Variants in SLCO5A1 observed in about 807,000 individuals in gnomAD.
The protein encoded by SLCO5A1 is solute carrier organic anion transporter family member 5A1, also known as organic anion transporter polypeptide-related protein 4.
A neutral mutation model predicts 65.1 loss-of-function variants in SLCO5A1; 39 were observed. That is an observed-to-expected ratio of 0.60 (90% CI 0.46 to 0.78). The LOEUF is 0.78. Among genes scored for constraint, SLCO5A1 ranks in the 30% least tolerant of loss-of-function variants. The pLI, the probability that SLCO5A1 is intolerant of heterozygous loss-of-function variation, is 0.00. For synonymous variants in SLCO5A1, 438 were observed against 415.7 expected, an observed-to-expected ratio of 1.05 and a Z score of -0.65; for missense variants, 1,029 against 1,069.4, an observed-to-expected ratio of 0.96 and a Z score of 0.53.
chr8:69,757,242 C>A (rs192055927), intron 3 of SLCO5A1, among the ~76,000 whole-genome samples: 1 of 151,998 alleles, frequency 6.6e-6, no homozygotes. Context: ...GAAGTTTGTT[C>A]GGGGCAGACT....
chr8:69,756,443 G>T (rs767112546), intron 3 of SLCO5A1, among the ~76,000 whole-genome samples: 2 of 152,092 alleles, frequency 1.3e-5, no homozygotes, highest in Non-Finnish European at 2.9e-5. Flanking sequence ...CTCCCACTTA[G>T]CTGGCCTTCA....
chr8:69,769,324 C>G (rs1818213579), intron 2 of SLCO5A1, among the ~76,000 whole-genome samples: 1 of 88,736 alleles, frequency 1.1e-5, no homozygotes, highest in Non-Finnish European at 2.1e-5. Flanking sequence ...GTTAGACAGA[C>G]TTCAGACTTT....
chr8:69,736,457 T>C (rs1330243626), intron 5 of SLCO5A1, among the ~76,000 whole-genome samples: 1 of 152,168 alleles, frequency 6.6e-6, no homozygotes, highest in Non-Finnish European at 1.5e-5. Context: ...GGGGTGAAAA[T>C]GGTGCATCTG....
chr8:69,761,034 A>AT (rs369056386), intron 3 of SLCO5A1, among the ~76,000 whole-genome samples: 1 of 152,168 alleles, frequency 6.6e-6, no homozygotes, highest in Non-Finnish European at 1.5e-5. Flanking sequence ...AAAACAATGT[A>AT]TTTTTTTAAG....
chr8:69,703,455 A>G (rs905988035), intron 6 of SLCO5A1, among the ~76,000 whole-genome samples: 1 of 152,238 alleles, frequency 6.6e-6, no homozygotes, highest in African/African-American at 2.4e-5. Flanking sequence ...CTGAGACAGG[A>G]GACTCACTTG....
chr8:69,774,875 C>T (rs1319501015), intron 2 of SLCO5A1, among the ~76,000 whole-genome samples: 2 of 152,238 alleles, frequency 1.3e-5, no homozygotes, highest in Non-Finnish European at 2.9e-5. Context: ...AACTCTCTTT[C>T]AACTTACATA....
intron 5 of SLCO5A1, among the ~76,000 whole-genome samples, chr8:69,731,360 C>T (rs1280989168): frequency 6.6e-6 from 1 of 152,206 alleles, no homozygotes; most frequent in Non-Finnish European, 1.5e-5. Flanking sequence ...TTTGCACCAA[C>T]CTAATCATCT....
chr8:69,715,899 C>T (rs1021579852), intron 5 of SLCO5A1, among the ~76,000 whole-genome samples: 3 of 152,050 alleles, frequency 2.0e-5, no homozygotes, highest in African/African-American at 7.2e-5. Context: ...TTCACAGAAA[C>T]ATGCAATCAT....
chr8:69,829,668 C>A (rs1486839784), intron 2 of SLCO5A1, among the ~76,000 whole-genome samples: 1 of 148,114 alleles, frequency 6.8e-6, no homozygotes, highest in East Asian at 1.9e-4. Context: ...AAAGAAAGAC[C>A]CTGTCTCAAT....
At chr8:69,775,599 CA>C (rs1157138447) in intron 2 of SLCO5A1, among the ~76,000 whole-genome samples, 1 of 151,998 alleles carries the variant, frequency 6.6e-6, no homozygotes, top group Non-Finnish European at 1.5e-5. Context: ...TATTTTGGAA[CA>C]AAAAATTTTT....
intron 6 of SLCO5A1, 32 bp from the exon 7 acceptor site, chr8:69,682,375 C>A (rs1410818607): frequency 6.7e-7 from 1 of 1,490,592 alleles, no homozygotes. Context: ...TCATGAGCAA[C>A]ACTTACCAAA....
chr8:69,686,537 A>G (rs189657043), intron 6 of SLCO5A1, among the ~76,000 whole-genome samples: 2 of 152,254 alleles, frequency 1.3e-5, no homozygotes, highest in Non-Finnish European at 2.9e-5. Context: ...TCTCAGCATA[A>G]GTTGTCTCAT....
intron 2 of SLCO5A1, among the ~76,000 whole-genome samples, chr8:69,799,111 C>G (rs186763650): frequency 2.0e-5 from 3 of 152,102 alleles, no homozygotes; most frequent in African/African-American, 7.2e-5. Context: ...AAATCTGGTG[C>G]CAAGCAATGA....
chr8:69,796,598 C>G lies in SLCO5A1; in HGVS notation c.908-34723G>C, dbSNP rs906937596. Among the ~76,000 whole-genome samples, 5 of 151,654 alleles carry G rather than the reference C, an allele frequency of 3.3e-5. No homozygotes were observed. The East Asian group carries it at 5.8e-4, about 18-fold the overall frequency. ...TGCCACTGCACTCCAACCTGGGGAACAAAGCAAGATTCTGTCTCAAACATT... is the reference window on the plus strand; with the variant it reads ...TGCCACTGCACTCCAACCTGGGGAAGAAAGCAAGATTCTGTCTCAAACATT... On this transcript the variant is annotated intron_variant, in intron 2 of 9. Coordinates refer to ENST00000260126, the MANE Select transcript of SLCO5A1 (RefSeq NM_030958.3).
At chr8:69,795,527 G>T (rs1819452492) in intron 2 of SLCO5A1, among the ~76,000 whole-genome samples, 1 of 152,204 alleles carries the variant, frequency 6.6e-6, no homozygotes, top group Non-Finnish European at 1.5e-5. Context: ...TGATGCAAGG[G>T]GTGGGCTCCC....
At chr8:69,739,710 C>T (rs1029611360) in intron 4 of SLCO5A1, among the ~76,000 whole-genome samples, 1 of 151,868 alleles carries the variant, frequency 6.6e-6, no homozygotes, top group African/African-American at 2.4e-5. Context: ...TTTAAATTAA[C>T]AATTTAAAAT....
intron 4 of SLCO5A1, among the ~76,000 whole-genome samples, chr8:69,745,107 G>C (rs1441140350): frequency 1.3e-5 from 2 of 152,120 alleles, no homozygotes; most frequent in African/African-American, 4.8e-5. Flanking sequence ...AAATATTTTT[G>C]TTGTATTAAC....
At chr8:69,809,902 G>A (rs2130910533) in intron 2 of SLCO5A1, among the ~76,000 whole-genome samples, 1 of 152,196 alleles carries the variant, frequency 6.6e-6, no homozygotes, top group African/African-American at 2.4e-5. Context: ...CGAGAGCAGG[G>A]GAATATGGAG....
intron 2 of SLCO5A1, among the ~76,000 whole-genome samples, chr8:69,809,733 G>GGTGTGT (rs111791623): frequency 0.019 from 2,794 of 149,250 alleles, 64 homozygotes; most frequent in African/African-American, 0.064. Context: ...TAAGGAGTGT[G>GGTGTGT]GTGTGTGTGT....
Sources: allele counts gnomAD v4.1 joint callset (sites outside exome capture counted in the v4.1 genomes callset), GRCh38; gene constraint gnomAD v4.1.1; transcripts MANE v1.5; gene names NCBI Gene and HGNC (gene_info 2026-07-23, HGNC 2026-07-21).